MTMR7: variants seen among roughly 807,000 people sequenced by gnomAD.
MTMR7 encodes myotubularin related protein 7.
In MTMR7, 76 loss-of-function variants were observed where a neutral mutation model predicts 81.2. That is an observed-to-expected ratio of 0.94 (90% CI 0.78 to 1.13). The LOEUF (loss-of-function observed/expected upper bound fraction) is 1.13, where lower values mean the gene tolerates loss of function less well. MTMR7 is among the 50% of genes most tolerant of loss of function. The pLI is 0.00. For synonymous variants in MTMR7, 372 were observed against 289.8 expected (o/e 1.28, Z -2.88); for missense variants, 1,044 against 820.0 (o/e 1.27, Z -3.34).
chr8:17,337,843 A>G (rs1362358872), intron 6 of MTMR7, among the ~76,000 whole-genome samples: 2 of 152,116 alleles, frequency 1.3e-5, no homozygotes, highest in African/African-American at 4.8e-5. Context: ...GGTGTCTCCC[A>G]AAAAATGTCA....
chr8:17,399,049 C>G (rs927568768), intron 1 of MTMR7, among the ~76,000 whole-genome samples: 7 of 152,004 alleles, frequency 4.6e-5, no homozygotes, highest in Non-Finnish European at 1.0e-4. Context: ...AACTGAAAGC[C>G]TTTTGTCTAC....
chr8:17,332,402 A>G (rs1819049800), intron 6 of MTMR7, among the ~76,000 whole-genome samples: 1 of 152,214 alleles, frequency 6.6e-6, no homozygotes, highest in East Asian at 1.9e-4. Flanking sequence ...AAAAAGCTGA[A>G]AACCCATGAC....
At chr8:17,349,170 G>A (rs1177054491) in intron 4 of MTMR7, 89 bp from the exon 5 acceptor site, 5 of 1,484,152 alleles carry the variant, frequency 3.4e-6, no homozygotes, top group South Asian at 2.4e-5. Flanking sequence ...CACGCTTACA[G>A]GTACATCCTT....
In MTMR7 at chr8:17,298,179, A is replaced by C. The variant is rs1816856716; in HGVS notation, c.*1683T>G. On this transcript the variant is annotated 3_prime_UTR_variant, in exon 14 of 14. Coordinates refer to ENST00000180173, the MANE Select transcript of MTMR7 (RefSeq NM_004686.5). ...GTGAAGTGAGTTATGTTATGTTATA[A>C]AAATGTGAAAGCCATTACCACTATA... The C allele has an allele frequency of 6.6e-6, 1 of 152,116 alleles. No individual in the cohort carries two copies. The highest frequency in any genetic ancestry group is 1.5e-5 in the Non-Finnish European group (1 of 67,956). 9.4% of individuals were successfully genotyped at this position (152,116 alleles called of 1,614,324 possible). A position where few individuals can be genotyped will look rare whatever the true frequency, so the allele number is the denominator to read the frequency against.
chr8:17,366,391 T>C (rs979855776), intron 3 of MTMR7, among the ~76,000 whole-genome samples: 4 of 152,090 alleles, frequency 2.6e-5, no homozygotes, highest in Non-Finnish European at 2.9e-5. Context: ...TAATGTAATA[T>C]TAAAATCAAA....
chr8:17,360,930 GT>G (rs1820040914), intron 4 of MTMR7, among the ~76,000 whole-genome samples, 186 bp downstream of exon 4: 1 of 152,122 alleles, frequency 6.6e-6, no homozygotes, highest in Admixed American at 6.6e-5. Flanking sequence ...TGTATAGCAG[GT>G]TCAAACGTTT....
At chr8:17,371,903 A>C (rs559349060) in intron 2 of MTMR7, among the ~76,000 whole-genome samples, 3 of 134,102 alleles carry the variant, frequency 2.2e-5, no homozygotes, top group South Asian at 4.6e-4. Context: ...ATTTACTCTC[A>C]TAATTATTTT....
At chr8:17,380,266 A>C (rs1820719339) in intron 1 of MTMR7, among the ~76,000 whole-genome samples, 1 of 152,224 alleles carries the variant, frequency 6.6e-6, no homozygotes, top group Non-Finnish European at 1.5e-5. Context: ...CCAAATAACA[A>C]TAAAAACAAT....
chr8:17,334,024 C>T (rs1819142047), intron 6 of MTMR7, among the ~76,000 whole-genome samples: 1 of 152,184 alleles, frequency 6.6e-6, no homozygotes, highest in African/African-American at 2.4e-5. Context: ...TCCATGTACA[C>T]ATTATGAAAT....
chr8:17,399,998 T>C (rs1004435016), intron 1 of MTMR7, among the ~76,000 whole-genome samples: 1 of 152,178 alleles, frequency 6.6e-6, no homozygotes, highest in Non-Finnish European at 1.5e-5. Flanking sequence ...ATTTTAAAGA[T>C]TTTTGATGCT....
chr8:17,359,224 T>G (rs1819988723), intron 4 of MTMR7, among the ~76,000 whole-genome samples: 1 of 152,150 alleles, frequency 6.6e-6, no homozygotes, highest in Non-Finnish European at 1.5e-5. Context: ...AAGAAATACT[T>G]TAGTACTTTA....
At chr8:17,404,116 T>C (rs1199850724) in intron 1 of MTMR7, among the ~76,000 whole-genome samples, 2 of 152,152 alleles carry the variant, frequency 1.3e-5, no homozygotes, top group African/African-American at 2.4e-5. Context: ...ACAGTATCTC[T>C]GGCAAAAATA....
At chr8:17,311,665 A>G in intron 8 of MTMR7, 29 bp from the exon 9 acceptor site, 1 of 1,613,804 alleles carries the variant, frequency 6.2e-7, no homozygotes. Flanking sequence ...GCAAAGAGTC[A>G]CAAAGAATGG....
At chr8:17,301,550 T>A (rs1471245337) in intron 13 of MTMR7, 5 of 152,158 alleles carry the variant, frequency 3.3e-5, no homozygotes, top group Non-Finnish European at 7.3e-5. Flanking sequence ...AATTTTGACT[T>A]TGTAATAAGG....
At chr8:17,389,293 T>A (rs1264314650) in intron 1 of MTMR7, among the ~76,000 whole-genome samples, 2 of 152,218 alleles carry the variant, frequency 1.3e-5, no homozygotes. Flanking sequence ...CTATCTTTAC[T>A]GTACACTCTA....
intron 5 of MTMR7, chr8:17,346,108 A>G (rs1243088997): frequency 6.6e-6 from 1 of 152,232 alleles, no homozygotes; most frequent in East Asian, 1.9e-4. Flanking sequence ...AGTGTCTTCC[A>G]TTAAGCACAG....
At chr8:17,374,696 C>T (rs1341711612) in intron 1 of MTMR7, among the ~76,000 whole-genome samples, 2 of 152,006 alleles carry the variant, frequency 1.3e-5, no homozygotes, top group Non-Finnish European at 2.9e-5. Context: ...GCCTGCAATC[C>T]CAGCTACTCG....
At chr8:17,352,563 G>A (rs1359668637) in intron 4 of MTMR7, among the ~76,000 whole-genome samples, 1 of 152,232 alleles carries the variant, frequency 6.6e-6, no homozygotes, top group African/African-American at 2.4e-5. Context: ...ATGTATGACA[G>A]CAAAAGCAGA....
chr8:17,351,504 A>C (rs1819726246), intron 4 of MTMR7, among the ~76,000 whole-genome samples: 1 of 152,256 alleles, frequency 6.6e-6, no homozygotes, highest in Non-Finnish European at 1.5e-5. Context: ...CTGCCCTCTA[A>C]GAGCACCAGA....
Sources: gnomAD v4.1 joint callset for allele counts (sites outside exome capture counted in the v4.1 genomes callset) on GRCh38, gnomAD v4.1.1 for gene constraint, MANE v1.5 for transcripts, NCBI Gene and HGNC (gene_info 2026-07-23, HGNC 2026-07-21) for gene names.